The following LIMS1 variants were observed in gnomAD, a reference collection of about 807,000 sequenced individuals.
The protein encoded by LIMS1 is LIM zinc finger domain containing 1.
LIMS1 carries 18 observed loss-of-function variants against 44.1 expected under a neutral mutation model. That is an observed-to-expected ratio of 0.41 (90% CI 0.28 to 0.61). The LOEUF is 0.61. Among genes scored for constraint, LIMS1 ranks in the 20% least tolerant of loss-of-function variants. The pLI is 0.32. For synonymous variants in LIMS1, 93 were observed against 149.1 expected (o/e 0.62, Z 2.74); for missense variants, 201 against 422.0 (o/e 0.48, Z 4.59).
chr2:108,585,800 A>G (rs955570846), intron 1 of LIMS1, among the ~76,000 whole-genome samples: 1 of 152,154 alleles, frequency 6.6e-6, no homozygotes. Context: ...AGGACTGAAA[A>G]ATGCCTTCTG....
intron 1 of LIMS1, among the ~76,000 whole-genome samples, chr2:108,606,043 C>T (rs79242127): frequency 0.012 from 1,832 of 152,320 alleles, 44 homozygotes; most frequent in African/African-American, 0.043. Flanking sequence ...AGCTCTGCCC[C>T]CAGTTTGGGG....
chr2:108,601,917 A>T (rs556565807), intron 1 of LIMS1, among the ~76,000 whole-genome samples: 1 of 152,232 alleles, frequency 6.6e-6, no homozygotes, highest in Admixed American at 6.5e-5. Context: ...CATATTAACA[A>T]TATTGATTCT....
chr2:108,666,075 C>T (rs1024088622), intron 2 of LIMS1, among the ~76,000 whole-genome samples: 1 of 151,642 alleles, frequency 6.6e-6, no homozygotes, highest in African/African-American at 2.4e-5. Context: ...GCAGTGGACA[C>T]CAGCTGGGCG....
intron 2 of LIMS1, among the ~76,000 whole-genome samples, chr2:108,661,394 T>C (rs556732016): frequency 1.3e-5 from 2 of 152,182 alleles, no homozygotes; most frequent in East Asian, 3.9e-4. Flanking sequence ...TGTATCTTCT[T>C]ACAGTTCTTC....
At chr2:108,567,603 G>A (rs1043308240) in intron 1 of LIMS1, among the ~76,000 whole-genome samples, 6 of 151,938 alleles carry the variant, frequency 3.9e-5, no homozygotes, top group African/African-American at 7.3e-5. Context: ...ATGGAGTCTC[G>A]CTCTGTCATC....
intron 1 of LIMS1, among the ~76,000 whole-genome samples, chr2:108,583,480 C>G (rs981192101): frequency 4.6e-5 from 7 of 152,190 alleles, no homozygotes; most frequent in African/African-American, 1.7e-4. Context: ...ACTTTCATAA[C>G]AAGGACCTAT....
In LIMS1 at chr2:108,538,828, T is replaced by C. The variant is rs79344969; in HGVS notation, c.32+4234T>C. ...ACCCTTCCTTCCAAGAACTTTTTCA[T>C]CTTCCCAAACTGAAACTCTGTGACC... On this transcript the variant is annotated intron_variant, in intron 1 of 9. Transcript: ENST00000544547. Among the ~76,000 whole-genome samples the C allele has an allele frequency of 4.4e-3, 670 of 152,334 alleles. 4 individuals carry two copies. The highest frequency in any genetic ancestry group is 0.014 in the South Asian group (68 of 4,828).
At chr2:108,553,418 G>A (rs1386696081) in intron 1 of LIMS1, among the ~76,000 whole-genome samples, 1 of 152,172 alleles carries the variant, frequency 6.6e-6, no homozygotes, top group African/African-American at 2.4e-5. Flanking sequence ...AGGAGTAAGT[G>A]CGGGTCATAA....
At chr2:108,564,206 G>C (rs139546538) in intron 1 of LIMS1, among the ~76,000 whole-genome samples, 53 of 152,246 alleles carry the variant, frequency 3.5e-4, no homozygotes, top group Non-Finnish European at 5.9e-4. Context: ...CTCGCTGAAG[G>C]CTCAGATGAT....
intron 2 of LIMS1, among the ~76,000 whole-genome samples, chr2:108,666,835 A>T (rs1691792823): frequency 1.3e-5 from 2 of 152,346 alleles, no homozygotes; most frequent in South Asian, 2.1e-4. Flanking sequence ...AAAGGATATT[A>T]CAAAGGATAC....
chr2:108,684,798 C>G (rs534456864), exon 10 of LIMS1: 3 of 152,160 alleles, frequency 2.0e-5, no homozygotes, highest in Non-Finnish European at 4.4e-5. Context: ...AGCATGTAGT[C>G]TTAGAATAGG....
Position 108,597,779 on chromosome 2 carries a change from G to C in LIMS1, c.33-61826G>C, listed in dbSNP as rs1265121753. Among the ~76,000 whole-genome samples the C allele has an allele frequency of 1.9e-4, 28 of 143,596 alleles. No individual in the cohort carries two copies. In the Admixed American group the frequency reaches 2.1e-3, roughly 11 times the overall value. 94.2% of individuals were successfully genotyped at this position (143,596 alleles called of 152,430 possible). ...GCAGTCTCAGCTCACTGCAACCTCT[G>C]CCTCCTAGGTTCAAGTGATTCTCCT... On this transcript the variant is annotated intron_variant, in intron 1 of 9. Transcript: ENST00000544547.
intron 1 of LIMS1, among the ~76,000 whole-genome samples, chr2:108,592,155 T>G (rs1008514911): frequency 3.9e-5 from 6 of 152,114 alleles, no homozygotes; most frequent in African/African-American, 1.4e-4. Flanking sequence ...TGCCCAAAAG[T>G]TAGCCATATG....
chr2:108,577,711 AAGAG>A (rs1387052787), intron 1 of LIMS1, among the ~76,000 whole-genome samples: 3 of 152,200 alleles, frequency 2.0e-5, no homozygotes, highest in Non-Finnish European at 2.9e-5. Context: ...TTTATTTTTT[AAGAG>A]AGAGAGAAAA....
At chr2:108,612,339 A>G (rs889083995) in intron 1 of LIMS1, among the ~76,000 whole-genome samples, 2 of 152,110 alleles carry the variant, frequency 1.3e-5, no homozygotes, top group Non-Finnish European at 1.5e-5. Context: ...GTCACACATC[A>G]TCAGTGCCTC....
intron 1 of LIMS1, among the ~76,000 whole-genome samples, chr2:108,548,335 C>CT (rs958738677): frequency 6.6e-6 from 1 of 150,906 alleles, no homozygotes; most frequent in Non-Finnish European, 1.5e-5. Context: ...GAATTGAGAA[C>CT]TTTTTTGTCT....
intron 1 of LIMS1, among the ~76,000 whole-genome samples, chr2:108,634,068 G>A (rs537368027): frequency 6.6e-6 from 1 of 152,350 alleles, no homozygotes; most frequent in Non-Finnish European, 1.5e-5. Flanking sequence ...CCAAAGGAAA[G>A]AGGAGGGAGG....
At chr2:108,643,686 AGG>A (rs1689864849) in intron 1 of LIMS1, among the ~76,000 whole-genome samples, 1 of 118,782 alleles carries the variant, frequency 8.4e-6, no homozygotes, top group South Asian at 3.0e-4. Context: ...TCCCCTGGAA[AGG>A]AGGGCTGAAG....
At chr2:108,562,650 T>C (rs1207426225) in intron 1 of LIMS1, among the ~76,000 whole-genome samples, 2 of 152,206 alleles carry the variant, frequency 1.3e-5, no homozygotes, top group Non-Finnish European at 2.9e-5. Flanking sequence ...AGTTCATTCA[T>C]GAAGCTTGAG....
Sources: gnomAD v4.1 joint callset for allele counts (sites outside exome capture counted in the v4.1 genomes callset) on GRCh38, gnomAD v4.1.1 for gene constraint, MANE v1.5 for transcripts, NCBI Gene and HGNC (gene_info 2026-07-23, HGNC 2026-07-21) for gene names.